The following ATF7IP variants were observed in gnomAD, a reference collection of about 807,000 sequenced individuals.
ATF7IP encodes the protein activating transcription factor 7 interacting protein.
ATF7IP carries 23 observed loss-of-function variants against 106.4 expected under a neutral mutation model. That is an observed-to-expected ratio of 0.22 (90% CI 0.16 to 0.31). ATF7IP has a LOEUF of 0.31. Ranked by LOEUF, ATF7IP falls within the 10% of genes least tolerant of loss-of-function variation. ATF7IP has a pLI of 1.00. For synonymous variants in ATF7IP, 542 were observed against 539.0 expected, an observed-to-expected ratio of 1.01 and a Z score of -0.08; for missense variants, 1,334 against 1,524.3, an observed-to-expected ratio of 0.88 and a Z score of 2.08.
chr12:14,403,252 C>T (rs1423738538), intron 1 of ATF7IP, among the ~76,000 whole-genome samples: 1 of 151,428 alleles, frequency 6.6e-6, no homozygotes, highest in Admixed American at 6.6e-5. Flanking sequence ...TTTGTTTACC[C>T]CTTTTATATT....
At chr12:14,448,348 CTT>C (rs1943067473) in intron 6 of ATF7IP, among the ~76,000 whole-genome samples, 1 of 152,098 alleles carries the variant, frequency 6.6e-6, no homozygotes, top group East Asian at 1.9e-4. Context: ...AGTTTACAGA[CTT>C]AACAGTTTCT....
At chr12:14,408,667 C>T (rs1940741310) in intron 1 of ATF7IP, 1 of 152,058 alleles carries the variant, frequency 6.6e-6, no homozygotes, top group African/African-American at 2.4e-5. Context: ...TTATAAAAGG[C>T]TGAAAAATGA....
intron 1 of ATF7IP, among the ~76,000 whole-genome samples, chr12:14,411,444 G>A (rs1384671893): frequency 1.3e-5 from 2 of 151,964 alleles, no homozygotes; most frequent in African/African-American, 2.4e-5. Context: ...GTAGGTGACG[G>A]GTTGACGGGT....
intron 1 of ATF7IP, among the ~76,000 whole-genome samples, chr12:14,399,720 A>T (rs747206459): frequency 5.3e-5 from 8 of 151,672 alleles, no homozygotes; most frequent in Admixed American, 1.3e-4. Flanking sequence ...CTTCTCATAC[A>T]CTTAGAGGAT....
chr12:14,377,889 A>G (rs1017137468), intron 1 of ATF7IP, among the ~76,000 whole-genome samples: 1 of 151,730 alleles, frequency 6.6e-6, no homozygotes, highest in Non-Finnish European at 1.5e-5. Flanking sequence ...CAGCCTCCCA[A>G]AGTGCTGGGA....
intron 8 of ATF7IP, among the ~76,000 whole-genome samples, chr12:14,458,819 T>C (rs1482529295): frequency 6.6e-6 from 1 of 151,560 alleles, no homozygotes; most frequent in Admixed American, 6.6e-5. Flanking sequence ...GCAAACCTTG[T>C]CTTAGAAAAA....
At chr12:14,370,623 C>T (rs1337170570) in intron 1 of ATF7IP, among the ~76,000 whole-genome samples, 1 of 152,080 alleles carries the variant, frequency 6.6e-6, no homozygotes, top group African/African-American at 2.4e-5. Context: ...CGGTATTACA[C>T]ACTTCCTGTA....
At chr12:14,437,722 ATTAAG>A (rs1942470460) in intron 4 of ATF7IP, among the ~76,000 whole-genome samples, 1 of 152,214 alleles carries the variant, frequency 6.6e-6, no homozygotes, top group Non-Finnish European at 1.5e-5. Context: ...TGTTTTATTC[ATTAAG>A]TTAGTTTGTC....
At chr12:14,414,633 G>C (rs12821407) in intron 1 of ATF7IP, among the ~76,000 whole-genome samples, 1 of 152,168 alleles carries the variant, frequency 6.6e-6, no homozygotes, top group African/African-American at 2.4e-5. Flanking sequence ...ACAAGGCCTA[G>C]ATGGGGTGAG....
At chr12:14,459,856 A>G (rs552961419) in intron 8 of ATF7IP, among the ~76,000 whole-genome samples, 1 of 152,322 alleles carries the variant, frequency 6.6e-6, no homozygotes, top group African/African-American at 2.4e-5. Flanking sequence ...TCTTCTGTAT[A>G]TGCTACCTCA....
chr12:14,485,485 T>A (rs1034158067), intron 13 of ATF7IP, among the ~76,000 whole-genome samples: 1 of 152,128 alleles, frequency 6.6e-6, no homozygotes, highest in Non-Finnish European at 1.5e-5. Flanking sequence ...AAGTTCAGTG[T>A]TTTTGCTACT....
chr12:14,400,327 C>T (rs1001754328), intron 1 of ATF7IP, among the ~76,000 whole-genome samples: 7 of 152,266 alleles, frequency 4.6e-5, no homozygotes, highest in African/African-American at 1.7e-4. Context: ...TGACTGCTTA[C>T]AGTATCTAAG....
chr12:14,468,913 C>T (rs1241879820), intron 10 of ATF7IP, among the ~76,000 whole-genome samples: 5 of 151,946 alleles, frequency 3.3e-5, no homozygotes, highest in African/African-American at 1.2e-4. Context: ...ATCTTTTTAC[C>T]CTAATGTGCA....
chr12:14,435,015 G>T (rs1448104264), intron 3 of ATF7IP, among the ~76,000 whole-genome samples: 1 of 151,936 alleles, frequency 6.6e-6, no homozygotes, highest in East Asian at 1.9e-4. Context: ...TTGAGTCCAA[G>T]AATTTGAGGT....
intron 12 of ATF7IP, 94 bp downstream of exon 12, chr12:14,478,566 T>A: frequency 7.1e-7 from 1 of 1,411,496 alleles, no homozygotes; most frequent in Non-Finnish European, 9.8e-7. Flanking sequence ...AGAAAATTAA[T>A]ATTCATCTTG....
chr12:14,462,935 A>G (rs945949467), intron 9 of ATF7IP, among the ~76,000 whole-genome samples: 4 of 152,022 alleles, frequency 2.6e-5, no homozygotes, highest in African/African-American at 4.8e-5. Flanking sequence ...ATAAATGTGA[A>G]TGACAAGCTT....
chr12:14,475,899 G>C lies in ATF7IP; in HGVS notation c.2872G>C (p.Ala958Pro), dbSNP rs1944247041. The C allele has an allele frequency of 6.2e-7, 1 of 1,610,924 alleles. No homozygotes were observed. Among genetic ancestry groups the C allele is most frequent in the Non-Finnish European group, 8.5e-7 (1 of 1,179,054 alleles). The change falls in exon 11 of 15, where the codon GCC becomes CCC. Residue 958 changes from alanine (A) to proline (P), a missense_variant. Transcript: ENST00000261168. ...AAGTTTTGTTTTTCAGTGTGGAAAA[G>C]CCACTGGCAGTGATTCAAGTGGTGT... ...AADSTSQCGK[A>P]TGSDSSGVID...
Position 14,424,090 on chromosome 12 carries a change from T to C in ATF7IP, c.175T>C (p.Leu59=). The C allele has an allele frequency of 6.2e-7, 1 of 1,614,150 alleles. No homozygotes were observed. The highest frequency in any genetic ancestry group is 1.3e-5 in the African/African-American group (1 of 75,036). The change falls in exon 2 of 15, where the codon TTG becomes CTG. Residue 59 remains leucine, a synonymous_variant. Coordinates refer to ENST00000261168, the MANE Select transcript of ATF7IP (RefSeq NM_018179.5). Reference sequence around the variant, plus strand: ...TGGAGATTTGGACCCAACCTCACCTTTGGAAAACATGGATTACATTAAAGA... The same window carrying C: ...TGGAGATTTGGACCCAACCTCACCTCTGGAAAACATGGATTACATTAAAGA... The part of the protein sequence containing the change: ...ENGDLDPTSP[L]ENMDYIKDKE...
In ATF7IP at chr12:14,424,451, C is replaced by G; in HGVS notation, c.536C>G (p.Ala179Gly). The change falls in exon 2 of 15, where the codon GCC (alanine) becomes GGC (glycine). Residue 179 changes from alanine to glycine, a missense_variant. Physicochemically the swap from Ala to Gly is moderately conservative, Grantham distance 60. This residue lies in a region of ATF7IP where 438 missense variants were observed against 405.3 expected (regional missense o/e 1.08). Transcript: ENST00000261168. Reference protein sequence around the residue: ...AASGDATSGDAPSGDVSPGDA... With the variant: ...AASGDATSGDGPSGDVSPGDA... ...TCTGGTGATGCAACCTCTGGTGATG[C>G]CCCTTCTGGTGATGTGTCCCCTGGT... is the stretch of plus-strand genomic sequence containing the variant. 6.2e-7 allele frequency: 1 copy of G among 1,611,670 alleles called. No homozygotes were observed. The highest frequency in any genetic ancestry group is 8.5e-7 in the Non-Finnish European group (1 of 1,179,162).
Sources: gnomAD v4.1 joint callset for allele counts (sites outside exome capture counted in the v4.1 genomes callset) on GRCh38, gnomAD v4.1.1 for gene constraint, gnomAD v4.1.1 regional missense constraint, MANE v1.5 for transcripts, NCBI Gene and HGNC (gene_info 2026-07-23, HGNC 2026-07-21) for gene names.